Variants in CAST observed in about 807,000 individuals in gnomAD.
CAST encodes calpastatin, also known as MIR583 host.
Under a neutral mutation model 119.6 loss-of-function variants are expected in CAST, and 76 were observed. The observed-to-expected ratio is 0.64, with a 90% CI of 0.53 to 0.77. CAST has a LOEUF of 0.77. CAST is among the 30% of genes least tolerant of loss of function. The pLI is 0.00. For missense variants in CAST, 953 were observed against 946.5 expected, an observed-to-expected ratio of 1.01 and a Z score of -0.09; for synonymous variants, 319 against 331.6, an observed-to-expected ratio of 0.96 and a Z score of 0.41.
At chr5:96,367,364 CATT>C in the CAST span, among the ~76,000 whole-genome samples, 10 of 151,098 alleles carry the variant, frequency 6.6e-5, no homozygotes, top group South Asian at 4.2e-4. Context: ...CAGACAGGGA[CATT>C]TAAGTCTGCA....
At chr5:96,532,737 C>A (rs1210527207) in intron 1 of CAST, among the ~76,000 whole-genome samples, 3 of 152,128 alleles carry the variant, frequency 2.0e-5, no homozygotes, top group African/African-American at 7.2e-5. Context: ...GTAATCCCAG[C>A]TACTTGGGTG....
chr5:96,719,644 TAGC>T (rs1476062664), intron 3 of CAST, among the ~76,000 whole-genome samples: 2 of 152,256 alleles, frequency 1.3e-5, no homozygotes, highest in African/African-American at 4.8e-5. Context: ...AGTATTTTGA[TAGC>T]AGCACTTTAT....
chr5:96,483,345 T>C, the CAST span, among the ~76,000 whole-genome samples: 10 of 152,290 alleles, frequency 6.6e-5, no homozygotes, highest in African/African-American at 2.4e-4. Flanking sequence ...GCTGTGCCCA[T>C]GTATACTGGA....
At chr5:96,362,048 T>C in the CAST span, among the ~76,000 whole-genome samples, 4 of 152,204 alleles carry the variant, frequency 2.6e-5, no homozygotes, top group Non-Finnish European at 4.4e-5. Flanking sequence ...GTGTTCTCAC[T>C]GTTCAATTCC....
At chr5:96,677,558 A>G (rs1368135019) in intron 2 of CAST, among the ~76,000 whole-genome samples, 1 of 152,256 alleles carries the variant, frequency 6.6e-6, no homozygotes, top group Non-Finnish European at 1.5e-5. Context: ...CTTCTGGTTT[A>G]AAGAAGGAAC....
At chr5:96,529,728 C>G (rs577304794), upstream of CAST, 1 of 388,256 alleles carries the variant, frequency 2.6e-6, no homozygotes, top group African/African-American at 2.1e-5. Flanking sequence ...CCTGTGATAT[C>G]CTTGTGATAG....
chr5:96,654,027 CTTTTTTTTT>C (rs71617134), intron 1 of CAST, among the ~76,000 whole-genome samples: 1 of 126,960 alleles, frequency 7.9e-6, no homozygotes, highest in Non-Finnish European at 1.7e-5. Flanking sequence ...CTTTTCTTTT[CTTTTTTTTT>C]TTTTTTGAGA....
intron 1 of CAST, among the ~76,000 whole-genome samples, chr5:96,668,782 T>G (rs1216826717): frequency 1.3e-5 from 2 of 148,376 alleles, no homozygotes; most frequent in South Asian, 2.1e-4. Context: ...ACAAAGGGAG[T>G]GTAACATAGG....
upstream of CAST, among the ~76,000 whole-genome samples, chr5:96,660,488 GA>G (rs1748271325): frequency 6.6e-6 from 1 of 152,128 alleles, no homozygotes. Context: ...ATACTCTCAA[GA>G]AATATATAAC....
the CAST span, among the ~76,000 whole-genome samples, chr5:96,415,159 A>C: frequency 0.71 from 108,084 of 152,150 alleles, 39,485 homozygotes; most frequent in African/African-American, 0.89. Context: ...CCCTGCAGAT[A>C]CACTTTCCAC....
intron 4 of CAST, among the ~76,000 whole-genome samples, chr5:96,723,390 C>A (rs933551796): frequency 2.0e-5 from 3 of 152,192 alleles, no homozygotes; most frequent in East Asian, 1.9e-4. Flanking sequence ...AATGGTCTTA[C>A]TATTCTGAGC....
the CAST span, among the ~76,000 whole-genome samples, chr5:96,477,306 G>T: frequency 6.9e-6 from 1 of 145,290 alleles, no homozygotes; most frequent in Non-Finnish European, 1.5e-5. Context: ...ACGCACGCGT[G>T]CACACACACA....
Position 96,596,829 on chromosome 5 carries a change from G to C in CAST, c.60+66949G>C, listed in dbSNP as rs188552787. 4.9e-4 allele frequency among the ~76,000 whole-genome samples: 74 copies of C among 152,242 alleles called. No individual in the cohort carries two copies. The East Asian group carries it at 0.013, about 27-fold the overall frequency. On this transcript the variant is annotated intron_variant, in intron 1 of 11. Transcript: ENST00000505143. ...AAGTCTGAGACGAAGGTGCCAGCAG[G>C]GTTAGTTTCTAATGAGGGCTCTCTG...
the CAST span, chr5:96,247,712 A>T: frequency 6.6e-6 from 1 of 152,238 alleles, no homozygotes; most frequent in African/African-American, 2.4e-5. Context: ...GGCAGCTATC[A>T]CAGCAATACA....
At chr5:96,662,810 A>G (rs72772074) in intron 1 of CAST, among the ~76,000 whole-genome samples, 13,801 of 152,240 alleles carry the variant, frequency 0.091, 863 homozygotes, top group Non-Finnish European at 0.14. Flanking sequence ...AGGTTCACTC[A>G]GGACCCCCGA....
the CAST span, among the ~76,000 whole-genome samples, chr5:95,981,021 G>T: frequency 6.6e-6 from 1 of 152,122 alleles, no homozygotes; most frequent in African/African-American, 2.4e-5. Flanking sequence ...GAGGCTGGAG[G>T]TCAGCAAAAA....
At position 96,534,743 on chromosome 5, in the gene CAST, A is replaced by AAGAGAAAG. The variant is rs770870121; in HGVS notation, c.60+4866_60+4867insGAAAGAGA. On this transcript the variant is annotated intron_variant, in intron 1 of 11. Transcript: ENST00000505143. ...AGAGAGAGAGAGAGAGAGAGAGAGA[A>AAGAGAAAG]AGAAAGAAAGAAAGAAAGAAAGAAA... is the stretch of plus-strand genomic sequence containing the variant. Among the ~76,000 whole-genome samples the AAGAGAAAG allele has an allele frequency of 8.5e-4, 48 of 56,598 alleles. 7 individuals carry two copies. Among genetic ancestry groups the AAGAGAAAG allele is most frequent in the Non-Finnish European group, 1.0e-3 (33 of 32,826 alleles). The allele number at this position is 56,598 out of a possible 152,430, so 37.1% of individuals were successfully genotyped here. A position where few individuals can be genotyped will look rare whatever the true frequency, so the allele number is the denominator to read the frequency against.
intron 1 of CAST, among the ~76,000 whole-genome samples, chr5:96,556,356 C>A (rs192750762): frequency 7.9e-5 from 12 of 152,118 alleles, no homozygotes; most frequent in African/African-American, 2.4e-4. Flanking sequence ...CAAAGCTGGA[C>A]GGAGAATGAC....
At chr5:96,238,384 C>CCTTCTTCTCCTT in the CAST span, among the ~76,000 whole-genome samples, 5 of 109,620 alleles carry the variant, frequency 4.6e-5, no homozygotes, top group South Asian at 9.6e-4. Context: ...TCCTTCTTCT[C>CCTTCTTCTCCTT]CTTCTTCTTC....
Sources: gnomAD v4.1 joint callset for allele counts (sites outside exome capture counted in the v4.1 genomes callset) on GRCh38, gnomAD v4.1.1 for gene constraint, MANE v1.5 for transcripts, NCBI Gene and HGNC (gene_info 2026-07-23, HGNC 2026-07-21) for gene names.